Variants in RCC1L observed in about 807,000 individuals in gnomAD.
The protein encoded by RCC1L is RCC1-like G exchanging factor-like protein.
A neutral mutation model predicts 58.6 loss-of-function variants in RCC1L; 46 were observed. That is an observed-to-expected ratio of 0.79 (90% CI 0.62 to 1.00). The LOEUF (loss-of-function observed/expected upper bound fraction) is 1.00, where lower values mean the gene tolerates loss of function less well. Among genes scored for constraint, RCC1L ranks in the 50% least tolerant of loss-of-function variants. The probability of loss-of-function intolerance (pLI) is 0.00; values close to 1 mark genes in which losing one functional copy is unlikely to be tolerated. For synonymous variants in RCC1L, 281 were observed against 262.9 expected (o/e 1.07, Z -0.67); for missense variants, 636 against 623.6 (o/e 1.02, Z -0.21).
exon 11 of RCC1L, chr7:75,027,733 G>A (rs1293788242): frequency 2.3e-6 from 1 of 438,392 alleles, no homozygotes; most frequent in African/African-American, 2.1e-5. Flanking sequence ...GGTCACAGGG[G>A]GCCCCTTTAG....
exon 11 of RCC1L, chr7:75,027,723 G>A (rs1008699248): frequency 1.5e-5 from 6 of 407,300 alleles, no homozygotes; most frequent in Middle Eastern, 7.3e-4. Flanking sequence ...CCTGCTCCTC[G>A]GTCACAGGGG....
chr7:75,038,191 G>T (rs1805470522), downstream of RCC1L, among the ~76,000 whole-genome samples: 1 of 152,168 alleles, frequency 6.6e-6, no homozygotes, highest in African/African-American at 2.4e-5. Flanking sequence ...CCATCAGGTG[G>T]TTAAGCTGGG....
chr7:75,070,372 A>C (rs1472347258), intron 2 of RCC1L, among the ~76,000 whole-genome samples: 2 of 152,236 alleles, frequency 1.3e-5, no homozygotes, highest in Middle Eastern at 3.4e-3. Flanking sequence ...GGAGTTCGAG[A>C]CCAGCCTGGT....
chr7:75,050,399 C>A (rs1805866191), intron 10 of RCC1L, among the ~76,000 whole-genome samples: 5 of 152,360 alleles, frequency 3.3e-5, no homozygotes, highest in African/African-American at 9.6e-5. Context: ...CGGGCTCCGG[C>A]CACTCCCTGC....
At chr7:75,057,702 A>G in intron 7 of RCC1L, 86 bp from the exon 8 acceptor site, 1 of 1,205,874 alleles carries the variant, frequency 8.3e-7, no homozygotes, top group Non-Finnish European at 1.2e-6. Flanking sequence ...AGAGTAGCTG[A>G]GTCCTAGTTC....
At chr7:75,034,161 AG>A (rs1805379749) in intron 10 of RCC1L, among the ~76,000 whole-genome samples, 2 of 152,180 alleles carry the variant, frequency 1.3e-5, no homozygotes, top group African/African-American at 4.8e-5. Flanking sequence ...GATGTTTTAA[AG>A]AAGGAATGCG....
At chr7:75,041,934 T>A (rs1805580151), downstream of RCC1L, among the ~76,000 whole-genome samples, 1 of 151,914 alleles carries the variant, frequency 6.6e-6, no homozygotes, top group South Asian at 2.1e-4. Context: ...AAACTATTTT[T>A]CAGTTGAGCA....
chr7:75,063,489 T>TC, intron 4 of RCC1L, 146 bp from the exon 5 acceptor site: 3 of 880,016 alleles, frequency 3.4e-6, no homozygotes, highest in Non-Finnish European at 5.7e-6. Flanking sequence ...AAATCTTAGG[T>TC]CGAGTCAGGC....
At chr7:75,051,045 G>T (rs1805887528) in intron 10 of RCC1L, among the ~76,000 whole-genome samples, 1 of 151,824 alleles carries the variant, frequency 6.6e-6, no homozygotes. Flanking sequence ...AGTGAGCTGT[G>T]ATCACATCAC....
chr7:75,050,844 C>T (rs1329984879), intron 10 of RCC1L, among the ~76,000 whole-genome samples: 1 of 152,058 alleles, frequency 6.6e-6, no homozygotes, highest in East Asian at 1.9e-4. Context: ...GTAATCCCAG[C>T]ACTTTGGGAA....
At chr7:75,063,826 A>T (rs973314239) in intron 4 of RCC1L, among the ~76,000 whole-genome samples, 4 of 152,130 alleles carry the variant, frequency 2.6e-5, no homozygotes, top group African/African-American at 9.7e-5. Context: ...AGGCTGATAC[A>T]TGAGAATCGC....
At chr7:75,042,056 AT>A (rs1436013744), downstream of RCC1L, 4 of 565,862 alleles carry the variant, frequency 7.1e-6, no homozygotes, top group Non-Finnish European at 9.0e-6. Context: ...CTATAAAAAA[AT>A]AAAATAAAAA....
At chr7:75,066,342 T>C (rs1806482342) in intron 3 of RCC1L, among the ~76,000 whole-genome samples, 1 of 151,932 alleles carries the variant, frequency 6.6e-6, no homozygotes, top group Admixed American at 6.6e-5. Context: ...TCCCAGCTAC[T>C]ACTCAGGAGG....
In RCC1L at chr7:75,057,664, G is replaced by A. The variant is rs1342986345; in HGVS notation, c.970-48C>T. The A allele has an allele frequency of 3.8e-6, 6 of 1,581,708 alleles. No individual in the cohort carries two copies. The African/African-American group carries it at 8.1e-5, about 21-fold the overall frequency. On this transcript the variant is annotated intron_variant, in intron 7 of 10. Transcript: ENST00000610322. The stretch of plus-strand genomic sequence containing the variant: ...ACTGTTAGGAAAGCAAGCCAGTAAG[G>A]ACCGGGAAGTGTTCTGGTCTTAGGT...
downstream of RCC1L, among the ~76,000 whole-genome samples, chr7:75,041,238 C>CTAACTAAA (rs1425868964): frequency 7.2e-5 from 10 of 139,780 alleles, no homozygotes; most frequent in East Asian, 2.0e-4. Context: ...AACTAACTAA[C>CTAACTAAA]TAAATAAATA....
At chr7:75,058,889 G>GCCCCAGACTGGGA in intron 6 of RCC1L, 120 bp from the exon 7 acceptor site, 2 of 1,306,680 alleles carry the variant, frequency 1.5e-6, no homozygotes, top group Non-Finnish European at 2.1e-6. Context: ...AGAAATCCCA[G>GCCCCAGACTGGGA]TCTGGGGCTG....
chr7:75,028,263 G>A (rs1346458902), intron 10 of RCC1L, among the ~76,000 whole-genome samples: 5 of 152,152 alleles, frequency 3.3e-5, no homozygotes, highest in African/African-American at 1.2e-4. Context: ...TGAGATTACA[G>A]GCACTCACCA....
At position 75,073,443 on chromosome 7, in the gene RCC1L, C is replaced by G. The variant is rs1806842570; in HGVS notation, c.295G>C (p.Val99Leu). The G allele has an allele frequency of 7.4e-7, 1 of 1,351,052 alleles. No homozygotes were observed. Among genetic ancestry groups the G allele is most frequent in the Non-Finnish European group, 9.5e-7 (1 of 1,051,566 alleles). 83.7% of individuals were successfully genotyped at this position (1,351,052 alleles called of 1,614,324 possible). A position where few individuals can be genotyped will look rare whatever the true frequency, so the allele number is the denominator to read the frequency against. The change falls in exon 1 of 11, where the codon GTG becomes CTG. Residue 99 changes from valine to leucine, a missense_variant. Coordinates refer to ENST00000610322, the MANE Select transcript of RCC1L (RefSeq NM_030798.5). ...GARPRRRIQPVPYRLELDQKI... is the reference protein window; with the variant it reads ...GARPRRRIQPLPYRLELDQKI... ...TGGTCCAGCTCCAGGCGATAGGGCA[C>G]GGGCTGGATCCTGCGGCGCGGTCGG...
Position 75,057,593 on chromosome 7 carries a change from G to C in RCC1L, c.993C>G (p.His331Gln). Residue 331 changes from histidine (H) to glutamine (Q), a missense_variant, in exon 8 of 11, where the codon CAC becomes CAG. Physicochemically the swap from His to Gln is conservative, Grantham distance 24. Coordinates refer to ENST00000610322, the MANE Select transcript of RCC1L (RefSeq NM_030798.5). ...STQVNVPRCL[H>Q]FSGVGKVRQA... Reference sequence around the variant, plus strand: ...GTCGCACCTTCCCCACTCCTGAGAAGTGTAAGCAGCGGGGCACATTCACCT... The same window carrying C: ...GTCGCACCTTCCCCACTCCTGAGAACTGTAAGCAGCGGGGCACATTCACCT... The C allele has an allele frequency of 1.2e-6, 2 of 1,613,970 alleles. No homozygotes were observed. Among genetic ancestry groups the C allele is most frequent in the Non-Finnish European group, 1.7e-6 (2 of 1,179,852 alleles).
Sources: gnomAD v4.1 joint callset for allele counts (sites outside exome capture counted in the v4.1 genomes callset) on GRCh38, gnomAD v4.1.1 for gene constraint, MANE v1.5 for transcripts, NCBI Gene and HGNC (gene_info 2026-07-23, HGNC 2026-07-21) for gene names.